Variants in FDFT1 observed in about 807,000 individuals in gnomAD.
The protein encoded by FDFT1 is squalene synthase.
In FDFT1, 68 loss-of-function variants were observed where a neutral mutation model predicts 46.8. That is an observed-to-expected ratio of 1.45 (90% CI 1.19 to 1.78). The LOEUF (loss-of-function observed/expected upper bound fraction) is 1.78. Ranked by LOEUF, FDFT1 falls within the 40% of genes most tolerant of loss-of-function variation. The probability of loss-of-function intolerance (pLI) is 0.00; values close to 1 mark genes in which losing one functional copy is unlikely to be tolerated. For missense variants in FDFT1, 928 were observed against 524.4 expected (o/e 1.77, Z -7.52); for synonymous variants, 351 against 185.1 (o/e 1.90, Z -7.28).
chr8:11,826,869 C>A (rs559374170), intron 5 of FDFT1, among the ~76,000 whole-genome samples: 4 of 152,264 alleles, frequency 2.6e-5, no homozygotes, highest in African/African-American at 9.6e-5. Context: ...GTTACTGTTG[C>A]TACACAGCTG....
chr8:11,819,936 T>C (rs369066304), intron 3 of FDFT1, among the ~76,000 whole-genome samples: 1 of 152,296 alleles, frequency 6.6e-6, no homozygotes, highest in South Asian at 2.1e-4. Flanking sequence ...GTTCTGTTTT[T>C]GGAATTTTCA....
chr8:11,816,895 C>G (rs562015516), intron 3 of FDFT1, among the ~76,000 whole-genome samples: 85 of 152,296 alleles, frequency 5.6e-4, no homozygotes, highest in Middle Eastern at 3.4e-3. Context: ...CCAGAACTAC[C>G]AATACTGTGT....
chr8:11,801,947 C>T (rs1328906617), upstream of FDFT1: 3 of 455,406 alleles, frequency 6.6e-6, no homozygotes, highest in Admixed American at 2.3e-5. Flanking sequence ...CCTTGGCCTC[C>T]CAAAGTGTTG....
At chr8:11,796,546 G>A (rs373514428) in intron 1 of FDFT1, among the ~76,000 whole-genome samples, 1 of 152,198 alleles carries the variant, frequency 6.6e-6, no homozygotes, top group African/African-American at 2.4e-5. Flanking sequence ...TGGACACTCC[G>A]AGGCAGGCAG....
intron 3 of FDFT1, among the ~76,000 whole-genome samples, chr8:11,819,606 A>G (rs1304488094): frequency 6.6e-6 from 1 of 151,890 alleles, no homozygotes; most frequent in African/African-American, 2.4e-5. Context: ...ATCTTCGATC[A>G]CTGATATCCT....
intron 5 of FDFT1, among the ~76,000 whole-genome samples, chr8:11,826,803 A>C (rs1810056117): frequency 6.6e-6 from 1 of 152,204 alleles, no homozygotes; most frequent in South Asian, 2.1e-4. Context: ...CGACAGAGTG[A>C]GACTCCCTCT....
intron 2 of FDFT1, chr8:11,809,397 T>G: frequency 8.3e-7 from 1 of 1,205,806 alleles, no homozygotes; most frequent in African/African-American, 1.6e-5. Context: ...GTCTCCATAG[T>G]TCTACATTGG....
chr8:11,803,704 G>A lies in FDFT1; in HGVS notation c.99+773G>A, dbSNP rs368736548. The A allele has an allele frequency of 1.1e-5, 3 of 270,594 alleles. No homozygotes were observed. In the South Asian group the frequency reaches 1.1e-4, roughly 10 times the overall value. 16.8% of individuals were successfully genotyped at this position (270,594 alleles called of 1,614,324 possible). A position where few individuals can be genotyped will look rare whatever the true frequency, so the allele number is the denominator to read the frequency against. On this transcript the variant is annotated intron_variant, in intron 1 of 7. Coordinates refer to ENST00000220584, the MANE Select transcript of FDFT1 (RefSeq NM_004462.5). Reference sequence around the variant, plus strand: ...TGGCTGATTTCTGTAACTTTTTTGGGCCAACAGGACAGTAGCAAATGTGAC... The same window carrying A: ...TGGCTGATTTCTGTAACTTTTTTGGACCAACAGGACAGTAGCAAATGTGAC...
At chr8:11,808,625 G>A (rs1213212230) in intron 1 of FDFT1, 169 bp from the exon 2 acceptor site, 2 of 1,393,498 alleles carry the variant, frequency 1.4e-6, no homozygotes, top group Admixed American at 6.5e-5. Context: ...CCGCCCCGCG[G>A]GGCTGCTGCT....
At chr8:11,802,353 C>T (rs906536526), upstream of FDFT1, 6 of 437,134 alleles carry the variant, frequency 1.4e-5, no homozygotes, top group African/African-American at 4.0e-5. Flanking sequence ...GAGGAAGCAG[C>T]CCCGCACTGC....
upstream of FDFT1, among the ~76,000 whole-genome samples, chr8:11,800,632 A>G (rs1806020551): frequency 6.6e-6 from 1 of 152,372 alleles, no homozygotes; most frequent in East Asian, 1.9e-4. Context: ...TTCTTGGACC[A>G]CTATAAGCAT....
chr8:11,832,888 T>A (rs1811034253), intron 7 of FDFT1, among the ~76,000 whole-genome samples: 1 of 152,186 alleles, frequency 6.6e-6, no homozygotes, highest in African/African-American at 2.4e-5. Flanking sequence ...CTGTTCATGG[T>A]TTTGTGCATC....
intron 3 of FDFT1, among the ~76,000 whole-genome samples, chr8:11,820,091 C>G (rs561944556): frequency 6.6e-6 from 1 of 152,180 alleles, no homozygotes; most frequent in Non-Finnish European, 1.5e-5. Context: ...TTCCTTCTAA[C>G]AGAGGCCCGT....
intron 1 of FDFT1, among the ~76,000 whole-genome samples, chr8:11,796,875 T>G (rs2088346): frequency 0.19 from 29,385 of 152,182 alleles, 3,044 homozygotes; most frequent in Middle Eastern, 0.23. Flanking sequence ...ACAACTTCAT[T>G]AAAGAGGCAG....
At chr8:11,831,873 G>A (rs1425899158) in intron 7 of FDFT1, 2 of 514,912 alleles carry the variant, frequency 3.9e-6, no homozygotes, top group African/African-American at 3.8e-5. Context: ...TAGTACCCTG[G>A]TGAGAGGAGA....
chr8:11,825,565 T>C (rs1038179332), intron 4 of FDFT1, among the ~76,000 whole-genome samples: 1 of 150,694 alleles, frequency 6.6e-6, no homozygotes. Flanking sequence ...AAAAAAGTTA[T>C]TGTAAAGCTA....
intron 3 of FDFT1, among the ~76,000 whole-genome samples, chr8:11,819,987 C>G (rs772797674): frequency 2.6e-5 from 4 of 152,166 alleles, no homozygotes; most frequent in Non-Finnish European, 4.4e-5. Flanking sequence ...GTGGTTTTAT[C>G]TACCTTTGGT....
intron 1 of FDFT1, chr8:11,808,465 C>T (rs940064781): frequency 3.9e-6 from 5 of 1,287,082 alleles, no homozygotes; most frequent in Non-Finnish European, 3.9e-6. Context: ...TCGGGCGCTT[C>T]CCAGATCTGC....
chr8:11,805,453 C>T lies in FDFT1; in HGVS notation c.99+2522C>T, dbSNP rs116360080. On this transcript the variant is annotated intron_variant, in intron 1 of 7. Transcript: ENST00000220584. ...GCTGTTAGTAATCAGGCAGATCTGG[C>T]TCCTGTCCAATCTAAATCCTGTTAT... Among the ~76,000 whole-genome samples, 1,300 of 152,322 alleles carry T rather than the reference C, an allele frequency of 8.5e-3. 15 individuals are homozygous for T. Among genetic ancestry groups the T allele is most frequent in the African/African-American group, 0.03 (1,249 of 41,568 alleles).
Sources: allele counts gnomAD v4.1 joint callset (sites outside exome capture counted in the v4.1 genomes callset), GRCh38; gene constraint gnomAD v4.1.1; transcripts MANE v1.5; gene names NCBI Gene and HGNC (gene_info 2026-07-23, HGNC 2026-07-21).